The following MYH2 variants were observed in gnomAD, a reference collection of about 807,000 sequenced individuals.
MYH2 encodes the protein myosin heavy chain 2.
In MYH2, 139 loss-of-function variants were observed where a neutral mutation model predicts 228.1. That is an observed-to-expected ratio of 0.61 (90% CI 0.53 to 0.70). MYH2 has a LOEUF of 0.70. MYH2 is among the 30% of genes least tolerant of loss of function. The pLI is 0.00. For missense variants in MYH2, 1,809 were observed against 2,357.5 expected (o/e 0.77, Z 4.82); for synonymous variants, 796 against 871.1 (o/e 0.91, Z 1.52).
intron 37 of MYH2, 31 bp from the exon 38 acceptor site, chr17:10,523,443 A>G: frequency 1.2e-6 from 2 of 1,614,146 alleles, no homozygotes; most frequent in Non-Finnish European, 1.7e-6. Context: ...AAGAACTTTG[A>G]TCCAATAAGG....
rs1567733741 is a variant in MYH2 at position 10,537,425 on chromosome 17, G to T, written c.1705C>A (p.Pro569Thr). 6.2e-7 allele frequency: 1 copy of T among 1,614,168 alleles called. No individual in the cohort carries two copies. The highest frequency in any genetic ancestry group is 8.5e-7 in the Non-Finnish European group (1 of 1,180,034). Residue 569 changes from proline (P) to threonine (T), a missense_variant, in exon 16 of 40, where the codon CCC becomes ACC. By Grantham distance (38) the Pro-to-Thr change is conservative. Around this residue, in one of 9 missense-constraint regions of MYH2, gnomAD observed 373 missense variants for 620.4 expected, o/e 0.60. Coordinates refer to ENST00000245503, the MANE Select transcript of MYH2 (RefSeq NM_017534.6). This position sits in a 1 kb window ranked among gnomAD's most constrained non-coding sequence, Gnocchi z 4.0. Reference sequence around the variant, plus strand: ...TCGGCCTTGCCTTTGACCACCTTGGGCTTCTGGAAGTTGGCAGACTTGCCC... The same window carrying T: ...TCGGCCTTGCCTTTGACCACCTTGGTCTTCTGGAAGTTGGCAGACTTGCCC... Reference protein sequence around the residue: ...HLGKSANFQKPKVVKGKAEAH... With the variant: ...HLGKSANFQKTKVVKGKAEAH...
At position 10,527,038 on chromosome 17, in the gene MYH2, A is replaced by G. The variant is rs1170754696; in HGVS notation, c.3890T>C (p.Leu1297Pro). Residue 1297 changes from leucine to proline, a missense_variant, in exon 29 of 40, where the codon CTT becomes CCT. This residue lies in a region of MYH2 where 636 missense variants were observed against 729.9 expected (regional missense o/e 0.87). Coordinates refer to ENST00000245503, the MANE Select transcript of MYH2 (RefSeq NM_017534.6). The stretch of plus-strand genomic sequence containing the variant: ...AGACACCAGAGCTTCCTTTTCATCA[A>G]GCTGGCGTGAAAACTCACCTGATGG... The part of the protein sequence containing the change: ...QTESGEFSRQ[L>P]DEKEALVSQL... The G allele has an allele frequency of 1.2e-6, 2 of 1,614,030 alleles. No homozygotes were observed. The highest frequency in any genetic ancestry group is 2.7e-5 in the African/African-American group (2 of 74,910).
chr17:10,535,386 C>T, intron 17 of MYH2, 21 bp from the exon 18 acceptor site: 2 of 1,602,288 alleles, frequency 1.2e-6, no homozygotes, highest in Non-Finnish European at 1.7e-6. Flanking sequence ...AGGAAAAATC[C>T]TGTCATTTTA....
chr17:10,548,943 G>A (rs563574558), intron 2 of MYH2, among the ~76,000 whole-genome samples: 1 of 152,290 alleles, frequency 6.6e-6, no homozygotes, highest in Admixed American at 6.5e-5. Context: ...AAATGCCACA[G>A]CACTCGGCAT....
chr17:10,533,264 G>A, intron 21 of MYH2, 21 bp downstream of exon 21: 1 of 1,613,448 alleles, frequency 6.2e-7, no homozygotes, highest in Non-Finnish European at 8.5e-7. Context: ...TGGAATATGT[G>A]AATAAACATA....
rs377247152 is a variant in MYH2, at chr17:10,547,585, T to G, written c.238A>C (p.Met80Leu). 1 of 1,614,046 alleles carries G rather than the reference T, an allele frequency of 6.2e-7. No homozygotes were observed. The highest frequency in any genetic ancestry group is 8.5e-7 in the Non-Finnish European group (1 of 1,180,032). ...ATCTTGTCATATTTGGGAGGGTTCA[T>G]GGGGAAGACCTGATCATCCTTCACT... ...LTVKDDQVFP[M>L]NPPKYDKIED... The change falls in exon 4 of 40, where the codon ATG (methionine) becomes CTG (leucine). Residue 80 changes from methionine (M) to leucine (L), a missense_variant. Coordinates refer to ENST00000245503, the MANE Select transcript of MYH2 (RefSeq NM_017534.6).
At chr17:10,546,595 A>G (rs2073637166) in intron 4 of MYH2, among the ~76,000 whole-genome samples, 1 of 152,048 alleles carries the variant, frequency 6.6e-6, no homozygotes, top group South Asian at 2.1e-4. Context: ...ATGTAAATGA[A>G]TGATCAAGGA....
In MYH2 at chr17:10,527,056, C is replaced by A. The variant is rs747924610; in HGVS notation, c.3872G>T (p.Gly1291Val). 19 of 1,613,306 alleles carry A rather than the reference C, an allele frequency of 1.2e-5. No homozygotes were observed. Among genetic ancestry groups the A allele is most frequent in the Admixed American group, 1.7e-5 (1 of 60,016 alleles). The change falls in exon 29 of 40, where the codon GGT (glycine) becomes GTT (valine). Residue 1291 changes from glycine to valine, a missense_variant and splice_region_variant. Physicochemically the swap from Gly to Val is moderately radical, Grantham distance 109. Around this residue, in one of 9 missense-constraint regions of MYH2, gnomAD observed 636 missense variants for 729.9 expected, o/e 0.87. Coordinates refer to ENST00000245503, the MANE Select transcript of MYH2 (RefSeq NM_017534.6). ...TTCATCAAGCTGGCGTGAAAACTCA[C>A]CTGATGGACAAAAGAAATGGCACCA... ...AQRGRLQTES[G>V]EFSRQLDEKE...
Position 10,523,767 on chromosome 17 carries a change from T to C in MYH2, c.5293A>G (p.Ile1765Val). 1.9e-6 allele frequency: 3 copies of C among 1,614,268 alleles called. No individual in the cohort carries two copies. The highest frequency in any genetic ancestry group is 2.5e-6 in the Non-Finnish European group (3 of 1,180,046). Residue 1765 changes from isoleucine to valine, a missense_variant, in exon 36 of 40, where the codon ATC becomes GTC. By Grantham distance (29) the Ile-to-Val change is conservative (BLOSUM62 3). Transcript: ENST00000245503. Reference sequence around the variant, plus strand: ...GTGTGCCTGCCACTCACATCAGTGATGGCCTTCTTGGCCTTTTCTTCTGCA... The same window carrying C: ...GTGTGCCTGCCACTCACATCAGTGACGGCCTTCTTGGCCTTTTCTTCTGCA... The part of the protein sequence containing the change: ...RNAEEKAKKA[I>V]TDAAMMAEEL...
rs765026654 is a variant in MYH2 at position 10,533,651 on chromosome 17, C to T, written c.2181-19G>A. On this transcript the variant is annotated intron_variant, in intron 19 of 39. Coordinates refer to ENST00000245503, the MANE Select transcript of MYH2 (RefSeq NM_017534.6). ...CTTGTATCTGTTGAAGTACATATAGCTTTTAACAACTAGTTTACTGATGAC... is the reference window on the plus strand; with the variant it reads ...CTTGTATCTGTTGAAGTACATATAGTTTTTAACAACTAGTTTACTGATGAC... 4 of 1,613,022 alleles carry T rather than the reference C, an allele frequency of 2.5e-6. No individual in the cohort carries two copies. Among genetic ancestry groups the T allele is most frequent in the African/African-American group, 2.7e-5 (2 of 75,006 alleles).
chr17:10,531,958 T>C, intron 21 of MYH2, 70 bp from the exon 22 acceptor site: 1 of 1,579,708 alleles, frequency 6.3e-7, no homozygotes. Context: ...GCAGTGAGAG[T>C]TGGAGGTTCT....
In MYH2 at chr17:10,547,538, A is replaced by G; in HGVS notation, c.285T>C (p.Thr95=). ...YDKIEDMAMM[T]HLHEPAVLYN... ...ACAGCACAGCAGGCTCATGCAGATGAGTCATCATGGCCATATCCTCGATCT... is the reference window on the plus strand; with the variant it reads ...ACAGCACAGCAGGCTCATGCAGATGGGTCATCATGGCCATATCCTCGATCT... The change falls in exon 4 of 40, where the codon ACT becomes ACC. Residue 95 remains threonine, a synonymous_variant. Coordinates refer to ENST00000245503, the MANE Select transcript of MYH2 (RefSeq NM_017534.6). The G allele has an allele frequency of 5.0e-6, 8 of 1,614,106 alleles. No homozygotes were observed. Among genetic ancestry groups the G allele is most frequent in the Non-Finnish European group, 6.8e-6 (8 of 1,180,008 alleles).
chr17:10,527,363 C>T (rs2073367860), intron 28 of MYH2, among the ~76,000 whole-genome samples: 1 of 152,216 alleles, frequency 6.6e-6, no homozygotes, highest in Admixed American at 6.5e-5. Flanking sequence ...TCTAATTCTA[C>T]AGGGTCCCCA....
At chr17:10,526,917 C>A in intron 29 of MYH2, 21 bp downstream of exon 29, 1 of 1,613,306 alleles carries the variant, frequency 6.2e-7, no homozygotes, top group Non-Finnish European at 8.5e-7. Flanking sequence ...GGGAAAAAAT[C>A]AGTCTTAGAA....
Position 10,540,082 on chromosome 17 carries a change from A to G in MYH2, c.1009-16T>C. On this transcript the variant is annotated splice_polypyrimidine_tract_variant and intron_variant, in intron 11 of 39. Coordinates refer to ENST00000245503, the MANE Select transcript of MYH2 (RefSeq NM_017534.6). ...CAATAGCACTCTGTCAATATAACCA[A>G]TAGGATAGCTGTTAGGTTGTGATCC... 6.2e-7 allele frequency: 1 copy of G among 1,613,768 alleles called. No individual in the cohort carries two copies. Among genetic ancestry groups the G allele is most frequent in the Non-Finnish European group, 8.5e-7 (1 of 1,179,824 alleles).
At chr17:10,526,338 G>A (rs554468404) in intron 30 of MYH2, among the ~76,000 whole-genome samples, 12 of 152,278 alleles carry the variant, frequency 7.9e-5, no homozygotes, top group Admixed American at 7.8e-4. Context: ...TGAGCTCATT[G>A]TGCTTGACAA....
chr17:10,522,959 C>T (rs2073302262), intron 39 of MYH2, 131 bp downstream of exon 39: 6 of 686,984 alleles, frequency 8.7e-6, no homozygotes, highest in Non-Finnish European at 1.5e-5. Context: ...AAATGATACA[C>T]AAGAATTATT....
chr17:10,539,320 A>T lies in MYH2; in HGVS notation c.1301T>A (p.Val434Asp). The T allele has an allele frequency of 6.2e-7, 1 of 1,614,226 alleles. No homozygotes were observed. Among genetic ancestry groups the T allele is most frequent in the Non-Finnish European group, 8.5e-7 (1 of 1,180,038 alleles). ...CATCCACAGGAACATCTTCTCGTAGACGGCTTTGGCCAGAGCACCTACTGC... is the reference window on the plus strand; with the variant it reads ...CATCCACAGGAACATCTTCTCGTAGTCGGCTTTGGCCAGAGCACCTACTGC... The part of the protein sequence containing the change: ...SNAVGALAKA[V>D]YEKMFLWMVA... Residue 434 changes from valine to aspartate, a missense_variant, in exon 14 of 40, where the codon GTC becomes GAC. Transcript: ENST00000245503.
intron 12 of MYH2, 88 bp from the exon 13 acceptor site, chr17:10,539,650 T>G: frequency 7.3e-7 from 1 of 1,377,954 alleles, no homozygotes; most frequent in Admixed American, 1.7e-5. Context: ...AAGTATTTTG[T>G]GCAGTGTTTT....
Sources: gnomAD v4.1 joint callset for allele counts (sites outside exome capture counted in the v4.1 genomes callset) on GRCh38, gnomAD v4.1.1 for gene constraint, gnomAD v4.1.1 regional missense constraint, Gnocchi (gnomAD v3.1) non-coding constraint, MANE v1.5 for transcripts, NCBI Gene and HGNC (gene_info 2026-07-23, HGNC 2026-07-21) for gene names.